The following TENM2 variants were observed in gnomAD, a reference collection of about 807,000 sequenced individuals.
The protein encoded by TENM2 is teneurin transmembrane protein 2, also known as teneurin-2.
TENM2 carries 52 observed loss-of-function variants against 245.2 expected under a neutral mutation model. That is an observed-to-expected ratio of 0.21 (90% CI 0.17 to 0.27). The LOEUF (loss-of-function observed/expected upper bound fraction) is 0.27. Ranked by LOEUF, TENM2 falls within the 10% of genes least tolerant of loss-of-function variation. The pLI, the probability that TENM2 is intolerant of heterozygous loss-of-function variation, is 1.00. For synonymous variants in TENM2, 1,363 were observed against 1,438.9 expected (o/e 0.95, Z 1.19); for missense variants, 3,046 against 3,666.8 (o/e 0.83, Z 4.37).
At chr5:167,754,986 T>G in intron 2 of TENM2, 1 of 1,562,490 alleles carries the variant, frequency 6.4e-7, no homozygotes, top group Non-Finnish European at 8.6e-7. Flanking sequence ...AGACTGGGAC[T>G]GCTGGTGATT....
intron 2 of TENM2, among the ~76,000 whole-genome samples, chr5:167,552,817 C>G (rs1336390113): frequency 6.6e-6 from 1 of 152,142 alleles, no homozygotes; most frequent in Non-Finnish European, 1.5e-5. Context: ...AATGGCATTG[C>G]CCCTCATGGT....
At chr5:167,177,416 G>T in the TENM2 span, among the ~76,000 whole-genome samples, 2 of 152,174 alleles carry the variant, frequency 1.3e-5, no homozygotes, top group African/African-American at 2.4e-5. Context: ...AACCTGAATT[G>T]CAATCCCTTG....
chr5:167,076,791 C>A, the TENM2 span, among the ~76,000 whole-genome samples: 1 of 152,034 alleles, frequency 6.6e-6, no homozygotes, highest in Non-Finnish European at 1.5e-5. Flanking sequence ...ATAGAAACAC[C>A]CTTTAATACT....
At chr5:168,192,998 T>C (rs1190576469) in intron 14 of TENM2, among the ~76,000 whole-genome samples, 1 of 152,196 alleles carries the variant, frequency 6.6e-6, no homozygotes, top group East Asian at 1.9e-4. Flanking sequence ...GGTTACCACT[T>C]CCAGAAGGCA....
At chr5:168,238,102 G>C (rs954887650) in intron 25 of TENM2, among the ~76,000 whole-genome samples, 1 of 143,474 alleles carries the variant, frequency 7.0e-6, no homozygotes, top group Non-Finnish European at 1.5e-5. Context: ...CCCAGATTGC[G>C]CCACTGCACT....
chr5:167,461,105 T>C (rs1039242706), intron 2 of TENM2, among the ~76,000 whole-genome samples: 7 of 152,186 alleles, frequency 4.6e-5, no homozygotes, highest in Non-Finnish European at 8.8e-5. Context: ...TGCGTCAATA[T>C]TGGTTTTTTG....
At chr5:167,822,934 T>C (rs1002578956) in intron 2 of TENM2, among the ~76,000 whole-genome samples, 2 of 152,216 alleles carry the variant, frequency 1.3e-5, no homozygotes, top group Admixed American at 6.5e-5. Flanking sequence ...ATTTGTTAGG[T>C]GATAAACGTT....
chr5:167,913,031 G>A (rs767101944), intron 3 of TENM2, among the ~76,000 whole-genome samples: 32 of 152,080 alleles, frequency 2.1e-4, no homozygotes, highest in Non-Finnish European at 3.7e-4. Context: ...AAAGGCCTGG[G>A]GGCATTCATT....
intron 5 of TENM2, among the ~76,000 whole-genome samples, chr5:168,030,285 C>T (rs552553566): frequency 1.3e-5 from 2 of 149,410 alleles, no homozygotes; most frequent in South Asian, 2.2e-4. Context: ...AGTGCCTAGA[C>T]CTGGAGGGAG....
At chr5:168,119,298 T>G (rs1389814212) in intron 10 of TENM2, among the ~76,000 whole-genome samples, 1 of 152,082 alleles carries the variant, frequency 6.6e-6, no homozygotes, top group African/African-American at 2.4e-5. Context: ...GACAATATGG[T>G]CAGAGATCAG....
chr5:168,068,682 A>G (rs1581210157), intron 7 of TENM2, among the ~76,000 whole-genome samples: 1 of 152,066 alleles, frequency 6.6e-6, no homozygotes, highest in Non-Finnish European at 1.5e-5. Context: ...ACTTTTATCG[A>G]AAAAAACATA....
chr5:167,294,997 T>C lies in TENM2; in HGVS notation c.226+9934T>C, dbSNP rs1264100807. ...AATTTTTATAGCCCTTAATGGGTTGTTATTGTTGTTATTATTCTCTTGATG... is the reference window on the plus strand; with the variant it reads ...AATTTTTATAGCCCTTAATGGGTTGCTATTGTTGTTATTATTCTCTTGATG... On this transcript the variant is annotated intron_variant, in intron 1 of 28. Transcript: ENST00000518659. 2.0e-5 allele frequency among the ~76,000 whole-genome samples: 3 copies of C among 152,312 alleles called. No homozygotes were observed. The East Asian group carries it at 5.8e-4, about 29-fold the overall frequency.
chr5:167,864,402 T>A (rs1449240678), intron 2 of TENM2, among the ~76,000 whole-genome samples: 2 of 152,246 alleles, frequency 1.3e-5, no homozygotes, highest in Non-Finnish European at 2.9e-5. Flanking sequence ...TTTTTATGCA[T>A]GATAATAACA....
intron 2 of TENM2, among the ~76,000 whole-genome samples, chr5:167,765,361 G>A (rs1294148830): frequency 2.6e-5 from 4 of 152,172 alleles, no homozygotes; most frequent in Non-Finnish European, 5.9e-5. Flanking sequence ...AGAAGGTGCA[G>A]TTGTCTTCTT....
At chr5:167,861,816 CA>C (rs1249986251) in intron 2 of TENM2, among the ~76,000 whole-genome samples, 1 of 152,224 alleles carries the variant, frequency 6.6e-6, no homozygotes, top group Non-Finnish European at 1.5e-5. Flanking sequence ...CAGTCAGAAG[CA>C]AAGCAGGCCT....
chr5:167,224,454 G>A, the TENM2 span, among the ~76,000 whole-genome samples: 357 of 151,888 alleles, frequency 2.4e-3, 2 homozygotes, highest in African/African-American at 8.1e-3. Flanking sequence ...TGTTCTTTCC[G>A]CAATATCTGT....
chr5:168,218,011 G>A lies in TENM2; in HGVS notation c.4234-114G>A. On this transcript the variant is annotated intron_variant, in intron 22 of 28. Coordinates refer to ENST00000518659, the Ensembl canonical transcript of TENM2. The surrounding 1 kb of genome is among the most constrained non-coding windows in gnomAD (Gnocchi z 5.2). ...CAATGAAGAGCATTTCTAATACAATGTGTTATTAAAAAGCTGTCTTTTTTC... is the reference window on the plus strand; with the variant it reads ...CAATGAAGAGCATTTCTAATACAATATGTTATTAAAAAGCTGTCTTTTTTC... 9.2e-7 allele frequency: 1 copy of A among 1,091,860 alleles called. No individual in the cohort carries two copies. Among genetic ancestry groups the A allele is most frequent in the African/African-American group, 1.6e-5 (1 of 63,590 alleles). 67.6% of individuals were successfully genotyped at this position (1,091,860 alleles called of 1,614,324 possible).
chr5:167,777,808 C>A (rs1469629217), intron 2 of TENM2, among the ~76,000 whole-genome samples: 1 of 152,096 alleles, frequency 6.6e-6, no homozygotes, highest in South Asian at 2.1e-4. Context: ...CAAAGCTTAG[C>A]TCTTCATGTC....
At chr5:168,198,737 C>G (rs998967735) in intron 15 of TENM2, 116 bp from the exon 18 acceptor site, 9 of 1,323,630 alleles carry the variant, frequency 6.8e-6, no homozygotes, top group Non-Finnish European at 9.4e-6. Flanking sequence ...GCCTCCAAAG[C>G]CCATGGTCTC....
Sources: allele counts gnomAD v4.1 joint callset (sites outside exome capture counted in the v4.1 genomes callset), GRCh38; gene constraint gnomAD v4.1.1; non-coding constraint Gnocchi (gnomAD v3.1); transcripts MANE v1.5; gene names NCBI Gene and HGNC (gene_info 2026-07-23, HGNC 2026-07-21).